Variants in BNC2 observed in about 807,000 individuals in gnomAD.
The protein encoded by BNC2 is basonuclin zinc finger protein 2.
In BNC2, 20 loss-of-function variants were observed where a neutral mutation model predicts 76.3. That is an observed-to-expected ratio of 0.26 (90% CI 0.18 to 0.38). BNC2 has a LOEUF of 0.38. Among genes scored for constraint, BNC2 ranks in the 10% least tolerant of loss-of-function variants. The pLI is 1.00. For missense variants in BNC2, 1,382 were observed against 1,399.8 expected, an observed-to-expected ratio of 0.99 and a Z score of 0.20; for synonymous variants, 582 against 514.8, an observed-to-expected ratio of 1.13 and a Z score of -1.77.
chr9:16,766,298 C>T (rs1825692071), intron 1 of BNC2, among the ~76,000 whole-genome samples: 1 of 152,076 alleles, frequency 6.6e-6, no homozygotes, highest in African/African-American at 2.4e-5. Context: ...TAATTTCTTT[C>T]AACTTGGGGG....
chr9:16,684,901 C>CAA (rs57737264), intron 3 of BNC2, among the ~76,000 whole-genome samples: 1 of 147,418 alleles, frequency 6.8e-6, no homozygotes, highest in African/African-American at 2.5e-5. Context: ...ACAGTTTCAC[C>CAA]AAAAAAAAAA....
At chr9:16,665,936 A>C (rs1183642779) in intron 3 of BNC2, among the ~76,000 whole-genome samples, 2 of 152,236 alleles carry the variant, frequency 1.3e-5, no homozygotes, top group African/African-American at 4.8e-5. Context: ...TCATACTTGC[A>C]ATAAGGACTT....
intron 3 of BNC2, among the ~76,000 whole-genome samples, chr9:16,586,685 C>G (rs1014753239): frequency 2.0e-4 from 31 of 152,306 alleles, no homozygotes; most frequent in African/African-American, 6.7e-4. Flanking sequence ...GGCAACTTCA[C>G]GCCCTCCTAC....
intron 1 of BNC2, among the ~76,000 whole-genome samples, chr9:16,797,743 G>A (rs552701594): frequency 2.2e-4 from 34 of 152,036 alleles, no homozygotes; most frequent in Non-Finnish European, 3.7e-4. Context: ...GAAACCAGCA[G>A]ACCTAAGTAG....
At chr9:16,565,572 G>A (rs997244541) in intron 4 of BNC2, among the ~76,000 whole-genome samples, 1 of 152,130 alleles carries the variant, frequency 6.6e-6, no homozygotes, top group African/African-American at 2.4e-5. Context: ...CACTCTGGGA[G>A]GCTGAGGTGG....
chr9:16,503,936 T>A (rs1822573015), intron 5 of BNC2, among the ~76,000 whole-genome samples: 1 of 152,198 alleles, frequency 6.6e-6, no homozygotes, highest in South Asian at 2.1e-4. Context: ...ATCCAGGAAT[T>A]ATAGTTCAGT....
chr9:16,842,250 A>C (rs1818850073), intron 1 of BNC2, among the ~76,000 whole-genome samples: 1 of 152,238 alleles, frequency 6.6e-6, no homozygotes, highest in Admixed American at 6.5e-5. Flanking sequence ...AAATTCACTT[A>C]GAAAAGATGC....
At chr9:16,512,530 TTAAA>T (rs965731568) in intron 5 of BNC2, among the ~76,000 whole-genome samples, 23 of 152,014 alleles carry the variant, frequency 1.5e-4, no homozygotes, top group Non-Finnish European at 2.9e-4. Context: ...CACAATGTAA[TTAAA>T]TAAACAACCA....
intron 1 of BNC2, among the ~76,000 whole-genome samples, chr9:16,761,829 C>A (rs140441049): frequency 2.5e-4 from 38 of 152,230 alleles, no homozygotes; most frequent in African/African-American, 9.2e-4. Flanking sequence ...ACTACAAAGG[C>A]CCATGTTTGA....
At chr9:16,545,816 AG>A (rs1304094701) in intron 5 of BNC2, among the ~76,000 whole-genome samples, 1 of 152,192 alleles carries the variant, frequency 6.6e-6, no homozygotes, top group Non-Finnish European at 1.5e-5. Flanking sequence ...ATCTTCTCTC[AG>A]GGTTGCCACC....
rs142509802 is a variant in BNC2, at chr9:16,525,538, A to G, written c.669+26992T>C. The stretch of plus-strand genomic sequence containing the variant: ...ATTAAGAGAAATGCAAATAAAAGCA[A>G]TGTACTACCATTTATCCCCTATCAA... On this transcript the variant is annotated intron_variant, in intron 5 of 6. Coordinates refer to ENST00000380672, the MANE Select transcript of BNC2 (RefSeq NM_017637.6). Among the ~76,000 whole-genome samples, 869 of 152,350 alleles carry G rather than the reference A, an allele frequency of 5.7e-3. 10 individuals are homozygous for G. The highest frequency in any genetic ancestry group is 0.02 in the African/African-American group (825 of 41,582).
intron 1 of BNC2, among the ~76,000 whole-genome samples, chr9:16,797,198 A>G (rs926425338): frequency 6.6e-6 from 1 of 152,122 alleles, no homozygotes; most frequent in Non-Finnish European, 1.5e-5. Flanking sequence ...AGCTACTACT[A>G]TTATCCCCAA....
intron 1 of BNC2, among the ~76,000 whole-genome samples, chr9:16,765,170 G>A (rs1825657411): frequency 6.6e-6 from 1 of 152,058 alleles, no homozygotes; most frequent in Admixed American, 6.6e-5. Flanking sequence ...AGGGATTTTT[G>A]TCTCTAATAT....
intron 1 of BNC2, among the ~76,000 whole-genome samples, chr9:16,864,782 T>C (rs1819499881): frequency 6.6e-6 from 1 of 152,090 alleles, no homozygotes; most frequent in Admixed American, 6.5e-5. Flanking sequence ...ATCTAATAAC[T>C]GTGACAGTGG....
intron 2 of BNC2, among the ~76,000 whole-genome samples, chr9:16,732,772 C>T (rs988261933): frequency 2.6e-5 from 4 of 152,176 alleles, no homozygotes; most frequent in Non-Finnish European, 4.4e-5. Flanking sequence ...CAAGACAAAA[C>T]TGTCCCTGTT....
chr9:16,535,179 C>G (rs531210076), intron 5 of BNC2, among the ~76,000 whole-genome samples: 11 of 152,248 alleles, frequency 7.2e-5, no homozygotes, highest in Admixed American at 5.9e-4. Context: ...TTGTTTATGG[C>G]AACGTTGCCC....
At chr9:16,812,257 C>G (rs938967006) in intron 1 of BNC2, among the ~76,000 whole-genome samples, 2 of 152,210 alleles carry the variant, frequency 1.3e-5, no homozygotes, top group Non-Finnish European at 2.9e-5. Flanking sequence ...GTGGTGCTTG[C>G]GCTGGGGCTT....
At chr9:16,558,417 T>C (rs1384388567) in intron 4 of BNC2, among the ~76,000 whole-genome samples, 5 of 152,176 alleles carry the variant, frequency 3.3e-5, no homozygotes, top group African/African-American at 1.2e-4. Context: ...ACTGATAATA[T>C]TGTTTGATTG....
chr9:16,674,954 G>A (rs761065882), intron 3 of BNC2, among the ~76,000 whole-genome samples: 6 of 152,164 alleles, frequency 3.9e-5, no homozygotes, highest in African/African-American at 7.2e-5. Context: ...TTTAAGAATC[G>A]GCATTTGAGC....
Sources: allele counts gnomAD v4.1 joint callset (sites outside exome capture counted in the v4.1 genomes callset), GRCh38; gene constraint gnomAD v4.1.1; transcripts MANE v1.5; gene names NCBI Gene and HGNC (gene_info 2026-07-23, HGNC 2026-07-21).